Variants in PSD3 observed in about 807,000 individuals in gnomAD.
PSD3 encodes the protein PH and SEC7 domain-containing protein 3.
In PSD3, 49 loss-of-function variants were observed where a neutral mutation model predicts 105.5. That is an observed-to-expected ratio of 0.46 (90% CI 0.37 to 0.59). The LOEUF (loss-of-function observed/expected upper bound fraction) is 0.59, where lower values mean the gene tolerates loss of function less well. Among genes scored for constraint, PSD3 ranks in the 20% least tolerant of loss-of-function variants. PSD3 has a pLI of 0.00. For missense variants in PSD3, 1,561 were observed against 1,263.8 expected (o/e 1.24, Z -3.57); for synonymous variants, 557 against 457.8 (o/e 1.22, Z -2.77).
intron 11 of PSD3, among the ~76,000 whole-genome samples, chr8:18,625,709 C>T (rs538792916): frequency 7.9e-5 from 12 of 152,222 alleles, no homozygotes; most frequent in African/African-American, 2.6e-4. Context: ...ATTTTTGTTC[C>T]ACCAGATACA....
chr8:18,579,131 C>CACACACAT (rs1802647544), intron 12 of PSD3, among the ~76,000 whole-genome samples: 3 of 144,666 alleles, frequency 2.1e-5, no homozygotes, highest in Non-Finnish European at 4.6e-5. Context: ...CACACACACA[C>CACACACAT]ACAAAGGGCA....
At chr8:18,578,425 T>A (rs536732045) in intron 12 of PSD3, among the ~76,000 whole-genome samples, 2 of 152,132 alleles carry the variant, frequency 1.3e-5, no homozygotes, top group Non-Finnish European at 2.9e-5. Flanking sequence ...AAATTCTTCC[T>A]CAGCTTTTTG....
At chr8:19,007,462 C>T (rs1327666202) in intron 1 of PSD3, among the ~76,000 whole-genome samples, 2 of 145,462 alleles carry the variant, frequency 1.4e-5, no homozygotes, top group African/African-American at 2.8e-5. Flanking sequence ...CATGTAGCTA[C>T]TGACTATCTT....
intron 1 of PSD3, among the ~76,000 whole-genome samples, chr8:18,974,097 G>T (rs1022941212): frequency 6.6e-6 from 1 of 152,074 alleles, no homozygotes. Context: ...AGAAGAAAAC[G>T]AAAATACTAA....
At chr8:18,579,259 T>C (rs1251415624) in intron 12 of PSD3, among the ~76,000 whole-genome samples, 3 of 152,140 alleles carry the variant, frequency 2.0e-5, no homozygotes, top group Non-Finnish European at 4.4e-5. Context: ...AGTGTTTAAA[T>C]GGTAGAATTG....
chr8:18,945,952 G>A (rs535685196), intron 1 of PSD3, among the ~76,000 whole-genome samples: 43 of 152,070 alleles, frequency 2.8e-4, no homozygotes, highest in African/African-American at 6.0e-4. Context: ...CAGCCTGGGC[G>A]AAAGAGTGAG....
intron 11 of PSD3, among the ~76,000 whole-genome samples, chr8:18,629,527 AG>A (rs1806744039): frequency 6.6e-6 from 1 of 152,140 alleles, no homozygotes; most frequent in African/African-American, 2.4e-5. Flanking sequence ...ATAAGAAGAG[AG>A]AAACTATTAA....
At chr8:18,755,751 G>A (rs964271761) in intron 9 of PSD3, among the ~76,000 whole-genome samples, 1 of 143,842 alleles carries the variant, frequency 7.0e-6, no homozygotes, top group African/African-American at 2.7e-5. Context: ...ACTTCTTTTT[G>A]GTAATTTTTT....
intron 1 of PSD3, among the ~76,000 whole-genome samples, chr8:19,008,160 G>A (rs1451231932): frequency 6.6e-6 from 1 of 152,202 alleles, no homozygotes; most frequent in Non-Finnish European, 1.5e-5. Context: ...GATTTTTATA[G>A]GGAGATATAA....
intron 9 of PSD3, among the ~76,000 whole-genome samples, chr8:18,676,546 A>G (rs1169065894): frequency 6.6e-6 from 1 of 152,234 alleles, no homozygotes. Flanking sequence ...TAGGAGATTT[A>G]ACAGGAAACC....
At chr8:18,615,912 C>T (rs1030826583) in intron 11 of PSD3, among the ~76,000 whole-genome samples, 1 of 152,130 alleles carries the variant, frequency 6.6e-6, no homozygotes, top group Admixed American at 6.5e-5. Flanking sequence ...CAGCCCAAGG[C>T]CCACGGGCAT....
Position 18,872,607 on chromosome 8 carries a change from C to A in PSD3, c.257G>T (p.Cys86Phe), listed in dbSNP as rs538185307. 1 of 1,613,972 alleles carries A rather than the reference C, an allele frequency of 6.2e-7. No homozygotes were observed. Among genetic ancestry groups the A allele is most frequent in the Non-Finnish European group, 8.5e-7 (1 of 1,180,014 alleles). ...GACACCCTGCTGCTCTTGTGGGTGGCATGGCAGAGCCTCACCATCAAATTC... is the reference window on the plus strand; with the variant it reads ...GACACCCTGCTGCTCTTGTGGGTGGAATGGCAGAGCCTCACCATCAAATTC... Reference protein sequence around the residue: ...SLEFDGEALPCHPQEQQGVQP... With the variant: ...SLEFDGEALPFHPQEQQGVQP... Residue 86 changes from cysteine to phenylalanine, a missense_variant, in exon 3 of 16, where the codon TGC becomes TTC. Physicochemically the swap from Cys to Phe is radical, Grantham distance 205. Coordinates refer to ENST00000327040, the MANE Select transcript of PSD3 (RefSeq NM_015310.4).
In PSD3 at chr8:18,572,676, T is replaced by A; in HGVS notation, c.2640-4A>T. The A allele has an allele frequency of 6.2e-7, 1 of 1,613,646 alleles. No individual in the cohort carries two copies. The highest frequency in any genetic ancestry group is 8.5e-7 in the Non-Finnish European group (1 of 1,179,654). On this transcript the variant is annotated splice_polypyrimidine_tract_variant and splice_region_variant and intron_variant, in intron 13 of 15. Coordinates refer to ENST00000327040, the MANE Select transcript of PSD3 (RefSeq NM_015310.4). ...CCCTTGCATTTCCTCTGGGCTCCTA[T>A]GAGAAATAGATATGTTTATATCAGG...
intron 9 of PSD3, among the ~76,000 whole-genome samples, chr8:18,697,940 C>T (rs1056070114): frequency 6.6e-6 from 1 of 152,132 alleles, no homozygotes; most frequent in African/African-American, 2.4e-5. Flanking sequence ...GAATAATGGT[C>T]CCCCCAAAGA....
chr8:18,639,675 G>C (rs902316663), intron 10 of PSD3, among the ~76,000 whole-genome samples: 1 of 152,104 alleles, frequency 6.6e-6, no homozygotes, highest in Non-Finnish European at 1.5e-5. Flanking sequence ...TGGCCTTCAG[G>C]AGGAAACAAC....
chr8:18,770,382 C>A (rs903377162), intron 8 of PSD3, among the ~76,000 whole-genome samples: 25 of 152,158 alleles, frequency 1.6e-4, no homozygotes, highest in African/African-American at 4.3e-4. Flanking sequence ...TTTCTTATCA[C>A]ATATGTACTT....
chr8:19,005,481 GTTT>G (rs551463988), intron 1 of PSD3, among the ~76,000 whole-genome samples: 1 of 151,776 alleles, frequency 6.6e-6, no homozygotes, highest in Non-Finnish European at 1.5e-5. Context: ...AATTTTTGGG[GTTT>G]TTTTGTTTTC....
chr8:18,615,664 C>A (rs1391931942), intron 11 of PSD3, among the ~76,000 whole-genome samples: 1 of 152,100 alleles, frequency 6.6e-6, no homozygotes, highest in Non-Finnish European at 1.5e-5. Context: ...AGTTTCTAGA[C>A]CTTTTTACAT....
intron 4 of PSD3, among the ~76,000 whole-genome samples, chr8:18,846,661 A>G (rs1029631286): frequency 6.6e-6 from 1 of 152,216 alleles, no homozygotes; most frequent in African/African-American, 2.4e-5. Context: ...ACCTGGACTT[A>G]GTGCTGTGCA....
Sources: allele counts gnomAD v4.1 joint callset (sites outside exome capture counted in the v4.1 genomes callset), GRCh38; gene constraint gnomAD v4.1.1; transcripts MANE v1.5; gene names NCBI Gene and HGNC (gene_info 2026-07-23, HGNC 2026-07-21).